Variants in BCR observed in about 807,000 individuals in gnomAD.
The protein encoded by BCR is BCR activator of RhoGEF and GTPase, also known as breakpoint cluster region protein.
Under a neutral mutation model 138.6 loss-of-function variants are expected in BCR, and 58 were observed. The observed-to-expected ratio is 0.42, with a 90% CI of 0.34 to 0.52. The LOEUF (loss-of-function observed/expected upper bound fraction) is 0.52. Ranked by LOEUF, BCR falls within the 20% of genes least tolerant of loss-of-function variation. The pLI is 0.06. For missense variants in BCR, 1,599 were observed against 1,727.2 expected (o/e 0.93, Z 1.32); for synonymous variants, 786 against 730.1 (o/e 1.08, Z -1.23).
chr22:23,283,875 A>G, intron 8 of BCR, 102 bp from the exon 9 acceptor site: 1 of 1,401,154 alleles, frequency 7.1e-7, no homozygotes, highest in African/African-American at 1.5e-5. Flanking sequence ...CCAGGGAGAG[A>G]ATGTCTCTGG....
chr22:23,315,830 A>C lies in BCR; in HGVS notation c.*308A>C, dbSNP rs1473797277. On this transcript the variant is annotated 3_prime_UTR_variant, in exon 23 of 23. Transcript: ENST00000305877. ...AGGGTGAAGGGAGTGGTTTTTATGA[A>C]CTTAACTTAGAGTCTAAAAGATTTC... 4.3e-6 allele frequency: 2 copies of C among 463,042 alleles called. No homozygotes were observed. Among genetic ancestry groups the C allele is most frequent in the Non-Finnish European group, 4.0e-6 (1 of 247,138 alleles). 28.7% of individuals were successfully genotyped at this position (463,042 alleles called of 1,614,324 possible).
In BCR at chr22:23,317,726, C is replaced by G. The variant is rs2074088493; in HGVS notation, c.*2204C>G. The G allele has an allele frequency of 2.1e-5, 2 of 97,210 alleles. 1 individual carries two copies. The highest frequency in any genetic ancestry group is 8.1e-4 in the South Asian group (2 of 2,470). The allele number at this position is 97,210 out of a possible 1,614,324, so 6.0% of individuals were successfully genotyped here. A position where few individuals can be genotyped will look rare whatever the true frequency, so the allele number is the denominator to read the frequency against. ...GCTTTGGGTCTACAGCTACGTCTTA[C>G]CCACCTCCTGCCTCAACAGCCTGTG... On this transcript the variant is annotated 3_prime_UTR_variant, in exon 23 of 23. Coordinates refer to ENST00000305877, the MANE Select transcript of BCR (RefSeq NM_004327.4).
rs560864754 is a variant in BCR, at chr22:23,240,742, T to C, written c.1280-13057T>C. On this transcript the variant is annotated intron_variant, in intron 1 of 22. Coordinates refer to ENST00000305877, the MANE Select transcript of BCR (RefSeq NM_004327.4). ...AAGTGTGCGGTTCAGTGGTATTCAG[T>C]ACATCCACATTATCATACACCTGTC... Among the ~76,000 whole-genome samples, 32 of 152,312 alleles carry C rather than the reference T, an allele frequency of 2.1e-4. No individual in the cohort carries two copies. In the South Asian group the frequency reaches 6.4e-3, roughly 31 times the overall value.
At chr22:23,263,800 G>A in intron 4 of BCR, 1 of 1,333,070 alleles carries the variant, frequency 7.5e-7, no homozygotes. Flanking sequence ...GCCAAGGTGT[G>A]GCCTTTGGCC....
intron 6 of BCR, among the ~76,000 whole-genome samples, chr22:23,272,016 G>C (rs1348869846): frequency 6.6e-6 from 1 of 152,052 alleles, no homozygotes; most frequent in Non-Finnish European, 1.5e-5. Context: ...AATAGAGATG[G>C]GGTTTCCCTC....
chr22:23,250,764 G>T (rs1021410780), intron 1 of BCR, among the ~76,000 whole-genome samples: 3 of 152,150 alleles, frequency 2.0e-5, no homozygotes, highest in Non-Finnish European at 2.9e-5. Flanking sequence ...TGAGGCAGGA[G>T]GATTGCTTGA....
At chr22:23,188,941 A>G (rs891294206) in intron 1 of BCR, among the ~76,000 whole-genome samples, 1 of 152,108 alleles carries the variant, frequency 6.6e-6, no homozygotes, top group African/African-American at 2.4e-5. Context: ...ATCTAGGCTC[A>G]CTACAACCCC....
At chr22:23,301,042 A>T (rs780889000) in intron 16 of BCR, among the ~76,000 whole-genome samples, 1 of 152,224 alleles carries the variant, frequency 6.6e-6, no homozygotes, top group Non-Finnish European at 1.5e-5. Context: ...AGAGAGATGC[A>T]CCTGTCATCC....
intron 8 of BCR, among the ~76,000 whole-genome samples, chr22:23,275,920 CAAGG>C (rs1412368979): frequency 7.9e-5 from 12 of 152,178 alleles, no homozygotes. Flanking sequence ...TTCCTAGAGA[CAAGG>C]AAGGGCCTTC....
intron 16 of BCR, among the ~76,000 whole-genome samples, chr22:23,308,968 G>A (rs55695240): frequency 0.2 from 30,176 of 151,712 alleles, 3,194 homozygotes; most frequent in Non-Finnish European, 0.23. Context: ...TGGCCTGCAG[G>A]CTCCTCCCGC....
At chr22:23,225,264 A>G (rs971230090) in intron 1 of BCR, among the ~76,000 whole-genome samples, 2 of 150,862 alleles carry the variant, frequency 1.3e-5, no homozygotes, top group African/African-American at 4.9e-5. Flanking sequence ...AGGCGCATGG[A>G]CCAGAGACAT....
chr22:23,271,231 C>T (rs757403035), intron 5 of BCR, among the ~76,000 whole-genome samples: 8 of 152,218 alleles, frequency 5.3e-5, no homozygotes, highest in South Asian at 2.1e-4. Flanking sequence ...AGGTAGAGGC[C>T]AGGGCAGCTG....
At chr22:23,187,278 CTTT>C (rs3055923) in intron 1 of BCR, among the ~76,000 whole-genome samples, 1,672 of 114,498 alleles carry the variant, frequency 0.015, 40 homozygotes, top group African/African-American at 0.052. Context: ...GCTTAAAATA[CTTT>C]TTTTTTTTTT....
Position 23,315,865 on chromosome 22 carries a change from A to G in BCR, c.*343A>G, listed in dbSNP as rs1038449567. The G allele has an allele frequency of 2.3e-5, 10 of 436,616 alleles. No individual in the cohort carries two copies. The highest frequency in any genetic ancestry group is 4.3e-5 in the Non-Finnish European group (10 of 230,068). The allele number at this position is 436,616 out of a possible 1,614,324, so 27.0% of individuals were successfully genotyped here. ...GAGTCTAAAAGATTTCTACTGGATC[A>G]CTTGTCAAGATGCGCCCTCTCTGGG... On this transcript the variant is annotated 3_prime_UTR_variant, in exon 23 of 23. Transcript: ENST00000305877.
At chr22:23,222,167 A>G (rs1035553127) in intron 1 of BCR, among the ~76,000 whole-genome samples, 1 of 152,300 alleles carries the variant, frequency 6.6e-6, no homozygotes, top group East Asian at 1.9e-4. Context: ...CTCCCTGTGG[A>G]GCAAGTTTCC....
At chr22:23,182,480 G>A (rs887464827) in intron 1 of BCR, among the ~76,000 whole-genome samples, 4 of 152,252 alleles carry the variant, frequency 2.6e-5, no homozygotes, top group African/African-American at 9.6e-5. Flanking sequence ...GGGATGGGAG[G>A]TGGTTTGTTC....
chr22:23,298,499 C>T (rs983440356), intron 16 of BCR, among the ~76,000 whole-genome samples: 4 of 152,188 alleles, frequency 2.6e-5, no homozygotes, highest in Non-Finnish European at 5.9e-5. Flanking sequence ...CCCACTGGCC[C>T]AAATGTGTTT....
At chr22:23,213,667 C>T (rs1568936704) in intron 1 of BCR, among the ~76,000 whole-genome samples, 1 of 151,924 alleles carries the variant, frequency 6.6e-6, no homozygotes, top group South Asian at 2.1e-4. Flanking sequence ...TCCAAAAAAA[C>T]GTAAAAATAT....
chr22:23,258,171 T>C (rs569024416), intron 2 of BCR, among the ~76,000 whole-genome samples: 5 of 152,326 alleles, frequency 3.3e-5, no homozygotes, highest in South Asian at 2.1e-4. Context: ...TACACACATA[T>C]ACACAGGCAC....
Sources: allele counts gnomAD v4.1 joint callset (sites outside exome capture counted in the v4.1 genomes callset), GRCh38; gene constraint gnomAD v4.1.1; transcripts MANE v1.5; gene names NCBI Gene and HGNC (gene_info 2026-07-23, HGNC 2026-07-21).